WDFY2: variants seen among roughly 807,000 people sequenced by gnomAD.
WDFY2 encodes WD repeat and FYVE domain containing 2.
Under a neutral mutation model 56.4 loss-of-function variants are expected in WDFY2, and 36 were observed. The ratio of observed to expected loss-of-function variants is 0.64; its 90% confidence interval spans 0.49 to 0.84. WDFY2 has a LOEUF of 0.84. Among genes scored for constraint, WDFY2 ranks in the 40% least tolerant of loss-of-function variants. The pLI is 0.00. For synonymous variants in WDFY2, 176 were observed against 183.7 expected (o/e 0.96, Z 0.34); for missense variants, 444 against 512.2 (o/e 0.87, Z 1.29).
At chr13:51,731,855 C>T (rs183780388) in intron 6 of WDFY2, among the ~76,000 whole-genome samples, 52 of 152,298 alleles carry the variant, frequency 3.4e-4, no homozygotes, top group Admixed American at 3.2e-3. Flanking sequence ...TGTCCAGAGT[C>T]GTAGCCCTTC....
intron 6 of WDFY2, among the ~76,000 whole-genome samples, chr13:51,734,022 A>G (rs1326389304): frequency 2.6e-5 from 4 of 152,160 alleles, no homozygotes; most frequent in South Asian, 2.1e-4. Context: ...GCAGCAATCA[A>G]AAGGTCAGAT....
intron 1 of WDFY2, among the ~76,000 whole-genome samples, chr13:51,596,735 A>G (rs906541255): frequency 2.6e-5 from 4 of 152,200 alleles, no homozygotes; most frequent in African/African-American, 9.7e-5. Context: ...GCTACATTCC[A>G]GGGAAGATTC....
chr13:51,641,805 G>A (rs1955168804), intron 1 of WDFY2, among the ~76,000 whole-genome samples: 1 of 112,910 alleles, frequency 8.9e-6, no homozygotes, highest in African/African-American at 3.5e-5. Context: ...CAGCCTGGGC[G>A]ACAGAGCGAG....
chr13:51,711,892 A>G (rs149791692), intron 4 of WDFY2, among the ~76,000 whole-genome samples: 7,737 of 152,294 alleles, frequency 0.051, 242 homozygotes, highest in Middle Eastern at 0.082. Context: ...CGATTCCTCA[A>G]GGATCTAGAA....
In WDFY2 at chr13:51,761,532, T is replaced by A. The variant is rs1345177634; in HGVS notation, c.*1763T>A. ...CCGACCCAAGCCCCACCCCACAGTG[T>A]CTTGCTCTCTTCTGATTTTACAGGT... is the stretch of plus-strand genomic sequence containing the variant. On this transcript the variant is annotated 3_prime_UTR_variant, in exon 12 of 12. Transcript: ENST00000298125. The A allele has an allele frequency of 6.6e-6, 1 of 152,148 alleles. No individual in the cohort carries two copies. The highest frequency in any genetic ancestry group is 1.5e-5 in the Non-Finnish European group (1 of 68,038). The allele number at this position is 152,148 out of a possible 1,614,324, so 9.4% of individuals were successfully genotyped here. A position where few individuals can be genotyped will look rare whatever the true frequency, so the allele number is the denominator to read the frequency against.
chr13:51,603,487 A>G (rs1010859121), intron 1 of WDFY2, among the ~76,000 whole-genome samples: 2 of 152,174 alleles, frequency 1.3e-5, no homozygotes, highest in Admixed American at 6.5e-5. Flanking sequence ...ATGACTTCTC[A>G]TGTTCTGTAT....
chr13:51,744,484 T>G (rs1953048959), intron 7 of WDFY2, among the ~76,000 whole-genome samples: 2 of 152,206 alleles, frequency 1.3e-5, no homozygotes, highest in Admixed American at 6.5e-5. Context: ...CACACTTGGT[T>G]TAATGAGCTG....
intron 1 of WDFY2, among the ~76,000 whole-genome samples, chr13:51,658,743 G>T (rs1022386403): frequency 9.9e-5 from 15 of 152,150 alleles, no homozygotes; most frequent in African/African-American, 3.6e-4. Flanking sequence ...TGTATGCATA[G>T]ATTTAATTCT....
At chr13:51,755,127 A>G (rs1054369565) in intron 8 of WDFY2, among the ~76,000 whole-genome samples, 9 of 152,172 alleles carry the variant, frequency 5.9e-5, no homozygotes, top group African/African-American at 2.2e-4. Context: ...GTAAATAATT[A>G]TTAATCATAT....
At position 51,667,879 on chromosome 13, in the gene WDFY2, C is replaced by CTTTTTTTTTT. The variant is rs66771214; in HGVS notation, c.205+7237_205+7246dup. Among the ~76,000 whole-genome samples the CTTTTTTTTTT allele has an allele frequency of 5.2e-3, 261 of 50,064 alleles. 49 individuals carry two copies. Among genetic ancestry groups the CTTTTTTTTTT allele is most frequent in the African/African-American group, 0.011 (109 of 10,030 alleles). 32.8% of individuals were successfully genotyped at this position (50,064 alleles called of 152,430 possible). A position where few individuals can be genotyped will look rare whatever the true frequency, so the allele number is the denominator to read the frequency against. On this transcript the variant is annotated intron_variant, in intron 2 of 11. Coordinates refer to ENST00000298125, the MANE Select transcript of WDFY2 (RefSeq NM_052950.4). The stretch of plus-strand genomic sequence containing the variant: ...GAAGAAAAAGGTACCTGAGGAACTT[C>CTTTTTTTTTT]TTTTTTTTTTTTTTTTTTTTTTTTT...
chr13:51,705,606 T>C (rs1002414762), intron 4 of WDFY2, among the ~76,000 whole-genome samples: 2 of 151,840 alleles, frequency 1.3e-5, no homozygotes, highest in Non-Finnish European at 2.9e-5. Context: ...TATGGGTAGA[T>C]AGTAGGTATA....
At chr13:51,595,000 G>A (rs1413758762) in intron 1 of WDFY2, among the ~76,000 whole-genome samples, 1 of 152,110 alleles carries the variant, frequency 6.6e-6, no homozygotes, top group Non-Finnish European at 1.5e-5. Flanking sequence ...TTTTTGTAGA[G>A]TTCTGAGCCC....
intron 1 of WDFY2, among the ~76,000 whole-genome samples, chr13:51,648,214 A>T (rs555898453): frequency 2.6e-4 from 40 of 152,290 alleles, no homozygotes; most frequent in African/African-American, 9.4e-4. Context: ...TAAGGGCTGG[A>T]GCTGTGCAAT....
chr13:51,601,795 T>C (rs17531362), intron 1 of WDFY2, among the ~76,000 whole-genome samples: 4,933 of 152,262 alleles, frequency 0.032, 114 homozygotes, highest in South Asian at 0.065. Flanking sequence ...CACGATACAA[T>C]GCCACCTCTC....
chr13:51,739,002 A>T, intron 6 of WDFY2, 47 bp from the exon 7 acceptor site: 2 of 1,459,888 alleles, frequency 1.4e-6, no homozygotes, highest in South Asian at 1.6e-5. Context: ...TTTTGTGGGT[A>T]AGAGTCTTAC....
intron 1 of WDFY2, among the ~76,000 whole-genome samples, chr13:51,611,486 T>C (rs984252718): frequency 6.6e-6 from 1 of 152,260 alleles, no homozygotes; most frequent in African/African-American, 2.4e-5. Flanking sequence ...ATATATTGGA[T>C]CTATAAAGCA....
chr13:51,660,801 A>G, intron 2 of WDFY2, 138 bp downstream of exon 2: 1 of 691,738 alleles, frequency 1.4e-6, no homozygotes, highest in Non-Finnish European at 2.4e-6. Flanking sequence ...ATCATTTTAG[A>G]TTTTCTAAGG....
rs536421238 is a variant in WDFY2, at chr13:51,761,956, G to T, written c.*2187G>T. 3.9e-5 allele frequency: 6 copies of T among 152,230 alleles called. No individual in the cohort carries two copies. Among genetic ancestry groups the T allele is most frequent in the Admixed American group, 1.3e-4 (2 of 15,282 alleles). The allele number at this position is 152,230 out of a possible 1,614,324, so 9.4% of individuals were successfully genotyped here. On this transcript the variant is annotated 3_prime_UTR_variant, in exon 12 of 12. Transcript: ENST00000298125. Reference sequence around the variant, plus strand: ...CTTGCTTGCGTCAGTCAAAACTGTTGTAACTACTTTGAGTCTTTTCTGCAT... The same window carrying T: ...CTTGCTTGCGTCAGTCAAAACTGTTTTAACTACTTTGAGTCTTTTCTGCAT...
intron 1 of WDFY2, among the ~76,000 whole-genome samples, chr13:51,641,713 C>T (rs9535724): frequency 3.4e-5 from 5 of 147,552 alleles, no homozygotes; most frequent in Non-Finnish European, 7.5e-5. Flanking sequence ...GTAGTCCCAG[C>T]TACTTGGGAG....
Sources: allele counts gnomAD v4.1 joint callset (sites outside exome capture counted in the v4.1 genomes callset), GRCh38; gene constraint gnomAD v4.1.1; transcripts MANE v1.5; gene names NCBI Gene and HGNC (gene_info 2026-07-23, HGNC 2026-07-21).